Variants in DYRK4 observed in about 807,000 individuals in gnomAD.
DYRK4 encodes the protein dual specificity tyrosine phosphorylation regulated kinase 4, also known as dual specificity tyrosine-phosphorylation-regulated kinase 4.
A neutral mutation model predicts 68.3 loss-of-function variants in DYRK4; 64 were observed. The observed-to-expected ratio is 0.94, with a 90% CI of 0.77 to 1.15. The LOEUF (loss-of-function observed/expected upper bound fraction) is 1.15. Among genes scored for constraint, DYRK4 ranks in the 50% most tolerant of loss-of-function variants. The pLI, the probability that DYRK4 is intolerant of heterozygous loss-of-function variation, is 0.00. For missense variants in DYRK4, 740 were observed against 764.7 expected (o/e 0.97, Z 0.38); for synonymous variants, 274 against 289.9 (o/e 0.95, Z 0.56).
chr12:4,563,153 G>T (rs926670017), intron 1 of DYRK4: 2 of 455,942 alleles, frequency 4.4e-6, no homozygotes, highest in Non-Finnish European at 8.8e-6. Flanking sequence ...TTGCTTGAGC[G>T]ATTTGATCAC....
At chr12:4,598,060 T>C (rs751451959) in intron 8 of DYRK4, among the ~76,000 whole-genome samples, 1 of 152,120 alleles carries the variant, frequency 6.6e-6, no homozygotes, top group Admixed American at 6.5e-5. Flanking sequence ...AGCAAGACTC[T>C]GTCTCAAACA....
chr12:4,585,042 C>T (rs1468423508), intron 2 of DYRK4, among the ~76,000 whole-genome samples: 14 of 152,188 alleles, frequency 9.2e-5, no homozygotes, highest in Non-Finnish European at 2.1e-4. Context: ...GGACTTGAGA[C>T]TGGAGCACCC....
At chr12:4,569,617 A>G (rs1012919917) in intron 2 of DYRK4, among the ~76,000 whole-genome samples, 1 of 151,964 alleles carries the variant, frequency 6.6e-6, no homozygotes, top group Non-Finnish European at 1.5e-5. Flanking sequence ...TTCTTTTTCA[A>G]TTGTTATTTA....
chr12:4,613,416 G>A lies in DYRK4; in HGVS notation c.1667-99G>A, dbSNP rs1204254697. 5 of 1,430,974 alleles carry A rather than the reference G, an allele frequency of 3.5e-6. No homozygotes were observed. The highest frequency in any genetic ancestry group is 4.3e-5 in the Admixed American group (2 of 46,860). 88.6% of individuals were successfully genotyped at this position (1,430,974 alleles called of 1,614,324 possible). A position where few individuals can be genotyped will look rare whatever the true frequency, so the allele number is the denominator to read the frequency against. ...AAATGAACTGTTTTTATATCATCACGGTCATCGTTTCCACTAAGTGATGTA... is the reference window on the plus strand; with the variant it reads ...AAATGAACTGTTTTTATATCATCACAGTCATCGTTTCCACTAAGTGATGTA... On this transcript the variant is annotated intron_variant, in intron 14 of 14. Coordinates refer to ENST00000543431, the MANE Select transcript of DYRK4 (RefSeq NM_001394779.1). This position sits in a 1 kb window ranked among gnomAD's most constrained non-coding sequence, Gnocchi z 4.0.
At chr12:4,563,167 C>T (rs1028701678) in intron 1 of DYRK4, 11 of 455,926 alleles carry the variant, frequency 2.4e-5, no homozygotes, top group Non-Finnish European at 3.5e-5. Flanking sequence ...TGATCACCTA[C>T]ATGTGGTCGG....
chr12:4,592,396 C>G (rs1452692180), intron 5 of DYRK4: 1 of 152,196 alleles, frequency 6.6e-6, no homozygotes, highest in Admixed American at 6.5e-5. Flanking sequence ...AGTTTCTTTT[C>G]TCTGAGAATG....
chr12:4,574,164 G>A (rs1944761038), intron 2 of DYRK4, among the ~76,000 whole-genome samples: 1 of 150,426 alleles, frequency 6.6e-6, no homozygotes, highest in South Asian at 2.1e-4. Context: ...GGCGGAGGTT[G>A]CAGTGCGCCG....
chr12:4,574,035 C>T (rs1944758840), intron 2 of DYRK4, among the ~76,000 whole-genome samples: 1 of 151,952 alleles, frequency 6.6e-6, no homozygotes, highest in Admixed American at 6.6e-5. Flanking sequence ...ACCATCCTGG[C>T]TAACACGGTG....
intron 6 of DYRK4, among the ~76,000 whole-genome samples, chr12:4,593,903 T>C (rs1270767531): frequency 1.3e-5 from 2 of 152,228 alleles, no homozygotes; most frequent in East Asian, 3.8e-4. Flanking sequence ...ATTAACAGCA[T>C]TTAGGGCTGT....
chr12:4,613,624 G>A lies in DYRK4; in HGVS notation c.1776G>A (p.Gln592=). ...TCCAGCACGGAGCTGACACTGTTCA[G>A]CTGCCTCAACTGGTAGACGCTCCCA... The part of the protein sequence containing the change: ...DCLQHGADTV[Q]LPQLVDAPKK... Residue 592 remains glutamine, a synonymous_variant, in exon 15 of 15, where the codon CAG becomes CAA. Transcript: ENST00000543431. This position sits in a 1 kb window ranked among gnomAD's most constrained non-coding sequence, Gnocchi z 4.0. 1 of 1,614,100 alleles carries A rather than the reference G, an allele frequency of 6.2e-7. No individual in the cohort carries two copies. Among genetic ancestry groups the A allele is most frequent in the Non-Finnish European group, 8.5e-7 (1 of 1,179,962 alleles).
chr12:4,598,928 A>G (rs920417999), intron 8 of DYRK4, 100 bp from the exon 9 acceptor site: 3 of 1,384,234 alleles, frequency 2.2e-6, no homozygotes, highest in African/African-American at 1.4e-5. Flanking sequence ...CTTGCCTGCT[A>G]CTAGACGGAA....
At chr12:4,562,330 AC>A (rs1944634857) in intron 1 of DYRK4, 47 bp downstream of exon 1, 2 of 1,515,482 alleles carry the variant, frequency 1.3e-6, no homozygotes, top group Middle Eastern at 3.4e-4. Context: ...AGGCGCGAGT[AC>A]GAGGCAGGCG....
In DYRK4 at chr12:4,596,624, T is replaced by C; in HGVS notation, c.800T>C (p.Leu267Pro). 1 of 1,614,178 alleles carries C rather than the reference T, an allele frequency of 6.2e-7. No individual in the cohort carries two copies. Residue 267 changes from leucine (L) to proline (P), a missense_variant, in exon 8 of 15, where the codon CTG becomes CCG. Around this residue, in one of 3 missense-constraint regions of DYRK4, gnomAD observed 614 missense variants for 603.7 expected, o/e 1.02. Coordinates refer to ENST00000543431, the MANE Select transcript of DYRK4 (RefSeq NM_001394779.1). The stretch of plus-strand genomic sequence containing the variant: ...CAGGCCCTGATGGAGCTGAAGATCC[T>C]GGAAGCTCTCAGAAAGAAGGACAAA... ...HQQALMELKI[L>P]EALRKKDKDN...
At chr12:4,611,984 C>T (rs939734636) in intron 13 of DYRK4, among the ~76,000 whole-genome samples, 1 of 152,118 alleles carries the variant, frequency 6.6e-6, no homozygotes, top group African/African-American at 2.4e-5. Context: ...GGAGTTTTTT[C>T]AGAATTGGAA....
intron 2 of DYRK4, among the ~76,000 whole-genome samples, chr12:4,579,833 T>C (rs546719466): frequency 6.6e-6 from 1 of 152,354 alleles, no homozygotes; most frequent in African/African-American, 2.4e-5. Flanking sequence ...TAGCGACCTT[T>C]GGAGGGGAAG....
chr12:4,598,897 G>A (rs1290851711), intron 8 of DYRK4, 131 bp from the exon 9 acceptor site: 2 of 1,007,496 alleles, frequency 2.0e-6, no homozygotes, highest in Non-Finnish European at 3.0e-6. Flanking sequence ...GGGCATGAAA[G>A]CCTTGCCTCC....
chr12:4,584,851 G>T (rs1307446836), intron 2 of DYRK4, among the ~76,000 whole-genome samples: 1 of 152,128 alleles, frequency 6.6e-6, no homozygotes, highest in Non-Finnish European at 1.5e-5. Flanking sequence ...CACCGCGCCT[G>T]GCCTCTAATC....
rs553668518 is a variant in DYRK4, at chr12:4,584,850, T to C, written c.133-4087T>C. 1.6e-3 allele frequency among the ~76,000 whole-genome samples: 241 copies of C among 152,250 alleles called. 1 individual carries two copies. The highest frequency in any genetic ancestry group is 5.5e-3 in the African/African-American group (228 of 41,558). The stretch of plus-strand genomic sequence containing the variant: ...GATTACAGGCGTGAGCCACCGCGCC[T>C]GGCCTCTAATCAGCTTTTAAGCTGA... On this transcript the variant is annotated intron_variant, in intron 2 of 14. Coordinates refer to ENST00000543431, the MANE Select transcript of DYRK4 (RefSeq NM_001394779.1).
At chr12:4,607,645 T>C (rs958411034) in intron 12 of DYRK4, among the ~76,000 whole-genome samples, 2 of 152,184 alleles carry the variant, frequency 1.3e-5, no homozygotes, top group African/African-American at 4.8e-5. Context: ...TCAGAAGAGC[T>C]ATCAGCAAAT....
Sources: gnomAD v4.1 joint callset for allele counts (sites outside exome capture counted in the v4.1 genomes callset) on GRCh38, gnomAD v4.1.1 for gene constraint, gnomAD v4.1.1 regional missense constraint, Gnocchi (gnomAD v3.1) non-coding constraint, MANE v1.5 for transcripts, NCBI Gene and HGNC (gene_info 2026-07-23, HGNC 2026-07-21) for gene names.